Variants in RAMP1 observed in about 807,000 individuals in gnomAD.
RAMP1 encodes the protein receptor activity-modifying protein 1.
A neutral mutation model predicts 8.2 loss-of-function variants in RAMP1; 7 were observed. That is an observed-to-expected ratio of 0.85 (90% CI 0.49 to 1.60). The LOEUF (loss-of-function observed/expected upper bound fraction) is 1.60. Ranked by LOEUF, RAMP1 falls within the 40% of genes most tolerant of loss-of-function variation. RAMP1 has a pLI of 0.00. For missense variants in RAMP1, 192 were observed against 202.4 expected (o/e 0.95, Z 0.31); for synonymous variants, 92 against 84.7 (o/e 1.09, Z -0.47).
intron 2 of RAMP1, among the ~76,000 whole-genome samples, chr2:237,888,982 AGGCT>A (rs1461904418): frequency 6.6e-6 from 1 of 152,190 alleles, no homozygotes; most frequent in Non-Finnish European, 1.5e-5. Context: ...CATGTTGGCC[AGGCT>A]GGTCTCGAAC....
chr2:237,886,906 G>A (rs1388730592), intron 2 of RAMP1, among the ~76,000 whole-genome samples: 1 of 152,196 alleles, frequency 6.6e-6, no homozygotes, highest in African/African-American at 2.4e-5. Context: ...GGGGCTCGTC[G>A]TAGCTCAGCA....
intron 1 of RAMP1, 56 bp downstream of exon 1, chr2:237,859,783 TC>T (rs1415687521): frequency 1.1e-5 from 14 of 1,328,152 alleles, no homozygotes; most frequent in Non-Finnish European, 1.4e-5. Context: ...GCCGGTGTCC[TC>T]TAGGGGAGAG....
intron 2 of RAMP1, among the ~76,000 whole-genome samples, chr2:237,891,578 G>A (rs187475042): frequency 1.5e-3 from 234 of 151,842 alleles, no homozygotes; most frequent in Admixed American, 4.3e-3. Context: ...TTTTTTTGCC[G>A]TAGGGAGGAA....
chr2:237,903,787 C>T (rs532818456), intron 2 of RAMP1, among the ~76,000 whole-genome samples: 1 of 152,348 alleles, frequency 6.6e-6, no homozygotes, highest in South Asian at 2.1e-4. Context: ...CTCCACCTCC[C>T]AGGTCCACGC....
intron 1 of RAMP1, among the ~76,000 whole-genome samples, chr2:237,872,482 T>C (rs2062256304): frequency 6.6e-6 from 1 of 152,200 alleles, no homozygotes; most frequent in African/African-American, 2.4e-5. Flanking sequence ...AGGAAGCCCA[T>C]CTGCAGCCGG....
intron 2 of RAMP1, among the ~76,000 whole-genome samples, chr2:237,881,887 AT>A (rs1419224297): frequency 2.6e-5 from 4 of 151,660 alleles, no homozygotes; most frequent in Non-Finnish European, 5.9e-5. Flanking sequence ...TTGCCACACA[AT>A]TTTTTTAATG....
intron 1 of RAMP1, among the ~76,000 whole-genome samples, chr2:237,871,592 C>T (rs982828548): frequency 4.6e-5 from 7 of 152,130 alleles, no homozygotes; most frequent in South Asian, 2.1e-4. Flanking sequence ...GTTCCTCCAC[C>T]GCCCCCCGAC....
intron 1 of RAMP1, among the ~76,000 whole-genome samples, chr2:237,866,690 C>T (rs1231549978): frequency 6.6e-6 from 1 of 152,026 alleles, no homozygotes; most frequent in East Asian, 1.9e-4. Flanking sequence ...GTGAGTTAAC[C>T]CATATTTTGT....
At chr2:237,893,331 T>A (rs1256156887) in intron 2 of RAMP1, among the ~76,000 whole-genome samples, 1 of 152,206 alleles carries the variant, frequency 6.6e-6, no homozygotes, top group Admixed American at 6.5e-5. Context: ...TTAAACATTT[T>A]GTGAGAACTT....
At chr2:237,897,771 GT>G (rs35099249) in intron 2 of RAMP1, among the ~76,000 whole-genome samples, 6,442 of 72,364 alleles carry the variant, frequency 0.089, 214 homozygotes, top group East Asian at 0.18. Context: ...GTTTGTTTTG[GT>G]TTTTTGGGGG....
At chr2:237,866,500 G>A (rs193122741) in intron 1 of RAMP1, among the ~76,000 whole-genome samples, 70 of 152,208 alleles carry the variant, frequency 4.6e-4, no homozygotes, top group Middle Eastern at 3.4e-3. Context: ...CTGCTGAGTA[G>A]GGGAGTGACA....
In RAMP1 at chr2:237,903,594, C is replaced by A. The variant is rs143785005; in HGVS notation, c.192-7934C>A. ...AGTGCAGTGGCAGGAACATAGCTCA[C>A]TGCAGCCTCAATCTCCCACCTCCCT... On this transcript the variant is annotated intron_variant, in intron 2 of 2. Transcript: ENST00000254661. Among the ~76,000 whole-genome samples the A allele has an allele frequency of 2.5e-3, 386 of 152,282 alleles. 1 individual carries two copies. Among genetic ancestry groups the A allele is most frequent in the African/African-American group, 7.1e-3 (295 of 41,550 alleles).
At chr2:237,867,524 T>C (rs2062200686) in intron 1 of RAMP1, among the ~76,000 whole-genome samples, 1 of 152,088 alleles carries the variant, frequency 6.6e-6, no homozygotes, top group Admixed American at 6.5e-5. Flanking sequence ...ATGCATCTTC[T>C]TCCCGTGTGT....
At chr2:237,909,645 T>C (rs1244024076) in intron 2 of RAMP1, among the ~76,000 whole-genome samples, 2 of 152,160 alleles carry the variant, frequency 1.3e-5, no homozygotes, top group Non-Finnish European at 2.9e-5. Context: ...AGCCTCAGTT[T>C]CCTCTGCTGC....
At chr2:237,885,746 G>C (rs567892762) in intron 2 of RAMP1, among the ~76,000 whole-genome samples, 1 of 152,338 alleles carries the variant, frequency 6.6e-6, no homozygotes, top group South Asian at 2.1e-4. Context: ...TCTGCACCAG[G>C]CGTGAAGCCA....
At chr2:237,885,103 G>A (rs1335424291) in intron 2 of RAMP1, among the ~76,000 whole-genome samples, 2 of 152,366 alleles carry the variant, frequency 1.3e-5, no homozygotes, top group East Asian at 3.9e-4. Flanking sequence ...CCCTCCTGCT[G>A]CCTTCTTTGT....
At chr2:237,874,969 C>G (rs1383902128) in intron 1 of RAMP1, among the ~76,000 whole-genome samples, 1 of 152,026 alleles carries the variant, frequency 6.6e-6, no homozygotes, top group Non-Finnish European at 1.5e-5. Flanking sequence ...GGACTGGGAC[C>G]CAGGATTCAC....
chr2:237,877,234 C>A lies in RAMP1; in HGVS notation c.63C>A (p.Leu21=). ...CCGTGTCTATTTCAGCCCATCACCTCTTCATGACCACTGCCTGCCAGGAGG... is the reference window on the plus strand; with the variant it reads ...CCGTGTCTATTTCAGCCCATCACCTATTCATGACCACTGCCTGCCAGGAGG... ...RGLWLLLAHH[L]FMTTACQEAN... is the part of the protein sequence containing the mutation. The change falls in exon 2 of 3, where the codon CTC becomes CTA. Residue 21 remains leucine, a synonymous_variant. Coordinates refer to ENST00000254661, the MANE Select transcript of RAMP1 (RefSeq NM_005855.4). This position sits in a 1 kb window ranked among gnomAD's most constrained non-coding sequence, Gnocchi z 4.4. 6.2e-7 allele frequency: 1 copy of A among 1,614,004 alleles called. No individual in the cohort carries two copies. Among genetic ancestry groups the A allele is most frequent in the South Asian group, 1.1e-5 (1 of 91,082 alleles).
At chr2:237,897,090 G>A (rs913063654) in intron 2 of RAMP1, among the ~76,000 whole-genome samples, 6 of 152,206 alleles carry the variant, frequency 3.9e-5, no homozygotes, top group Middle Eastern at 3.2e-3. Context: ...GGATGCTCCC[G>A]TGTGGCACTC....
Sources: gnomAD v4.1 joint callset for allele counts (sites outside exome capture counted in the v4.1 genomes callset) on GRCh38, gnomAD v4.1.1 for gene constraint, Gnocchi (gnomAD v3.1) non-coding constraint, MANE v1.5 for transcripts, NCBI Gene and HGNC (gene_info 2026-07-23, HGNC 2026-07-21) for gene names.